ZFHX2: variants seen among roughly 807,000 people sequenced by gnomAD.
ZFHX2 encodes the protein zinc finger homeobox protein 2.
Under a neutral mutation model 164.8 loss-of-function variants are expected in ZFHX2, and 75 were observed. The ratio of observed to expected loss-of-function variants is 0.46; its 90% CI spans 0.38 to 0.55. ZFHX2 has a LOEUF of 0.55. Ranked by LOEUF, ZFHX2 falls within the 20% of genes least tolerant of loss-of-function variation. ZFHX2 has a pLI of 0.00. For missense variants in ZFHX2, 2,933 were observed against 3,308.0 expected (o/e 0.89, Z 2.78); for synonymous variants, 1,217 against 1,351.4 (o/e 0.90, Z 2.18).
intron 1 of ZFHX2, among the ~76,000 whole-genome samples, chr14:23,537,848 C>T (rs1566589498): frequency 2.0e-5 from 3 of 152,148 alleles, no homozygotes; most frequent in Non-Finnish European, 4.4e-5. Context: ...TGGGCCACAC[C>T]GCCCTTCCAC....
upstream of ZFHX2, among the ~76,000 whole-genome samples, chr14:23,553,751 G>A (rs1045934741): frequency 4.6e-5 from 7 of 151,956 alleles, no homozygotes; most frequent in African/African-American, 1.5e-4. Flanking sequence ...AAAATTAGCC[G>A]GGCATGGTGG....
Position 23,533,081 on chromosome 14 carries a change from G to C in ZFHX2, c.2045C>G (p.Pro682Arg). ...APARKFPTSA[P>R]GSLSPDAHLP... The stretch of plus-strand genomic sequence containing the variant: ...GTGGGCATCAGGGGATAGGCTTCCA[G>C]GGGCTAGAGGACAGAGACAGATTAG... Residue 682 changes from proline to arginine, a missense_variant, in exon 3 of 10, where the codon CCT becomes CGT. Pro to Arg is a moderately radical substitution (Grantham distance 103). Transcript: ENST00000419474. This position sits in a 1 kb window ranked among gnomAD's most constrained non-coding sequence, Gnocchi z 4.8. 6.6e-7 allele frequency: 1 copy of C among 1,523,446 alleles called. No homozygotes were observed. Among genetic ancestry groups the C allele is most frequent in the Non-Finnish European group, 8.8e-7 (1 of 1,139,484 alleles). 94.4% of individuals were successfully genotyped at this position (1,523,446 alleles called of 1,614,324 possible).
At chr14:23,527,014 C>A (rs1878810848) in intron 7 of ZFHX2, 41 bp from the exon 8 acceptor site, 4 of 1,468,540 alleles carry the variant, frequency 2.7e-6, no homozygotes, top group African/African-American at 1.4e-5. Flanking sequence ...CACCACCCCC[C>A]ACTGCCCCTA....
In ZFHX2 at chr14:23,535,417, G is replaced by A. The variant is rs1880030320; in HGVS notation, c.-49-43C>T. The A allele has an allele frequency of 1.4e-6, 2 of 1,387,968 alleles. No individual in the cohort carries two copies. The highest frequency in any genetic ancestry group is 1.9e-6 in the Non-Finnish European group (2 of 1,070,024). The allele number at this position is 1,387,968 out of a possible 1,614,324, so 86.0% of individuals were successfully genotyped here. A position where few individuals can be genotyped will look rare whatever the true frequency, so the allele number is the denominator to read the frequency against. Reference sequence around the variant, plus strand: ...GAGAGCAGTGCTGTGAGGCTGCAGGGACCCCAGCTGGGCAGCTGGATCTCT... The same window carrying A: ...GAGAGCAGTGCTGTGAGGCTGCAGGAACCCCAGCTGGGCAGCTGGATCTCT... On this transcript the variant is annotated intron_variant, in intron 1 of 9. Transcript: ENST00000419474. This position sits in a 1 kb window ranked among gnomAD's most constrained non-coding sequence, Gnocchi z 4.5.
At chr14:23,527,992 C>T (rs190606333) in intron 6 of ZFHX2, among the ~76,000 whole-genome samples, 188 bp from the exon 7 acceptor site, 4 of 151,476 alleles carry the variant, frequency 2.6e-5, no homozygotes, top group African/African-American at 2.4e-5. Flanking sequence ...CTGCAACCTC[C>T]GCCTTCCAGG....
chr14:23,525,787 A>C lies in ZFHX2; in HGVS notation c.4155T>G (p.Pro1385=). The C allele has an allele frequency of 6.7e-7, 1 of 1,495,772 alleles. No individual in the cohort carries two copies. Among genetic ancestry groups the C allele is most frequent in the Non-Finnish European group, 8.9e-7 (1 of 1,126,604 alleles). The allele number at this position is 1,495,772 out of a possible 1,614,324, so 92.7% of individuals were successfully genotyped here. A position where few individuals can be genotyped will look rare whatever the true frequency, so the allele number is the denominator to read the frequency against. The change falls in exon 9 of 10, where the codon CCT becomes CCG. Residue 1385 remains proline, a synonymous_variant. Transcript: ENST00000419474. This position sits in a 1 kb window ranked among gnomAD's most constrained non-coding sequence, Gnocchi z 5.9. ...GGGTGGCAGCTGGCAGGGACAGCAC[A>C]GGTGCAGGCCCAGCTAGTGTCAGCT... ...GPKLTLAGPA[P]VLSLPAATPP...
At chr14:23,528,579 G>T in intron 6 of ZFHX2, 1 of 984,302 alleles carries the variant, frequency 1.0e-6, no homozygotes, top group African/African-American at 1.7e-5. Flanking sequence ...AGGCTCCCTT[G>T]TCCCTGCCCA....
In ZFHX2 at chr14:23,525,256, G is replaced by C. The variant is rs1878554187; in HGVS notation, c.4686C>G (p.Thr1562=). The C allele has an allele frequency of 1.3e-6, 2 of 1,536,094 alleles. No individual in the cohort carries two copies. The highest frequency in any genetic ancestry group is 8.7e-7 in the Non-Finnish European group (1 of 1,146,902). ...CTCGACTTCGCTCTTCAGGGGCACG[G>C]GTCCCCCCTGCCTCAGGCTCTGGGA... ...FLVPEPEAGG[T]RAPEERSRAG... is the part of the protein sequence containing the mutation. The change falls in exon 9 of 10, where the codon ACC becomes ACG. Residue 1562 remains threonine (T), a synonymous_variant. Transcript: ENST00000419474. This position sits in a 1 kb window ranked among gnomAD's most constrained non-coding sequence, Gnocchi z 5.9.
At chr14:23,527,540 TCCTC>T (rs1301428037) in intron 7 of ZFHX2, 60 bp downstream of exon 7, 1 of 1,523,558 alleles carries the variant, frequency 6.6e-7, no homozygotes, top group African/African-American at 1.4e-5. Context: ...CCCTGCCTCT[TCCTC>T]CCCTCCTGCA....
chr14:23,547,217 C>T lies in ZFHX2; in HGVS notation c.-50+4126G>A, dbSNP rs539503185. Among the ~76,000 whole-genome samples, 12 of 152,364 alleles carry T rather than the reference C, an allele frequency of 7.9e-5. No individual in the cohort carries two copies. In the South Asian group the frequency reaches 2.5e-3, roughly 32 times the overall value. Reference sequence around the variant, plus strand: ...GTTCTTTACATCAAGATCTGGGCAGCAGTAACTTCTCCCTCCTTTGGCCTT... The same window carrying T: ...GTTCTTTACATCAAGATCTGGGCAGTAGTAACTTCTCCCTCCTTTGGCCTT... On this transcript the variant is annotated intron_variant, in intron 1 of 9. Transcript: ENST00000419474.
chr14:23,539,976 G>A (rs1292475541), intron 1 of ZFHX2, among the ~76,000 whole-genome samples: 4 of 152,142 alleles, frequency 2.6e-5, no homozygotes, highest in African/African-American at 9.7e-5. Context: ...TTCACATCAG[G>A]GCCTTCCAAA....
Position 23,524,379 on chromosome 14 carries a change from G to A in ZFHX2, c.5563C>T (p.Pro1855Ser), listed in dbSNP as rs532432545. The change falls in exon 9 of 10, where the codon CCC becomes TCC. Residue 1855 changes from proline to serine, a missense_variant. Coordinates refer to ENST00000419474, the MANE Select transcript of ZFHX2 (RefSeq NM_033400.3). The surrounding 1 kb of genome is among the most constrained non-coding windows in gnomAD (Gnocchi z 5.6). ...GTGGTGCGCAGGCGCTTGTCCCTGG[G>A]GGGCTCGCCCTCCCCTCCTCCCCCT... is the stretch of plus-strand genomic sequence containing the variant. ...EAGGGGEGEP[P>S]RDKRLRTTIL... 3.4e-4 allele frequency: 517 copies of A among 1,536,208 alleles called. No homozygotes were observed. The highest frequency in any genetic ancestry group is 4.3e-4 in the Non-Finnish European group (489 of 1,146,918).
Position 23,522,590 on chromosome 14 carries a change from G to C in ZFHX2, c.7091C>G (p.Pro2364Arg). The C allele has an allele frequency of 2.0e-6, 3 of 1,528,356 alleles. No individual in the cohort carries two copies. Among genetic ancestry groups the C allele is most frequent in the Non-Finnish European group, 2.6e-6 (3 of 1,142,308 alleles). 94.7% of individuals were successfully genotyped at this position (1,528,356 alleles called of 1,614,324 possible). A position where few individuals can be genotyped will look rare whatever the true frequency, so the allele number is the denominator to read the frequency against. ...GGTAPPAVFGPQLQGAYFQQL... is the reference protein window; with the variant it reads ...GGTAPPAVFGRQLQGAYFQQL... ...TTGGAAGTAGGCCCCCTGTAGCTGG[G>C]GGCCAAAGACAGCTGGCGGTGCTGT... The change falls in exon 10 of 10, where the codon CCC becomes CGC. Residue 2364 changes from proline to arginine, a missense_variant. Physicochemically the swap from Pro to Arg is moderately radical, Grantham distance 103 (BLOSUM62 -2). Transcript: ENST00000419474.
rs1879970382 is a variant in ZFHX2, at chr14:23,534,791, G to T, written c.535C>A (p.Gln179Lys). ...ATTTGGTCAGAAGAGCTAAAGCCTT[G>T]GATTGGGTCAAAGCCATGTTGGATG... is the stretch of plus-strand genomic sequence containing the variant. ...LHIQHGFDPI[Q>K]GFSSSDQILS... The change falls in exon 2 of 10, where the codon CAA becomes AAA. Residue 179 changes from glutamine (Q) to lysine (K), a missense_variant. By Grantham distance (53) the Gln-to-Lys change is moderately conservative. Coordinates refer to ENST00000419474, the MANE Select transcript of ZFHX2 (RefSeq NM_033400.3). The surrounding 1 kb of genome is among the most constrained non-coding windows in gnomAD (Gnocchi z 4.5). 1 of 1,536,082 alleles carries T rather than the reference G, an allele frequency of 6.5e-7. No individual in the cohort carries two copies. Among genetic ancestry groups the T allele is most frequent in the African/African-American group, 1.4e-5 (1 of 73,042 alleles).
Position 23,525,862 on chromosome 14 carries a change from C to T in ZFHX2, c.4080G>A (p.Gln1360=). ...LVPESLLKLQ[Q]QQLLLPFYLH... ...GGTAGAAGGGCAGGAGCAGCTGCTGCTGCTGGAGCTTAAGCAGTGATTCGG... is the reference window on the plus strand; with the variant it reads ...GGTAGAAGGGCAGGAGCAGCTGCTGTTGCTGGAGCTTAAGCAGTGATTCGG... The change falls in exon 9 of 10, where the codon CAG becomes CAA. Residue 1360 remains glutamine (Q), a synonymous_variant. Coordinates refer to ENST00000419474, the MANE Select transcript of ZFHX2 (RefSeq NM_033400.3). This position sits in a 1 kb window ranked among gnomAD's most constrained non-coding sequence, Gnocchi z 5.9. 2 of 1,454,582 alleles carry T rather than the reference C, an allele frequency of 1.4e-6. No individual in the cohort carries two copies. Among genetic ancestry groups the T allele is most frequent in the Non-Finnish European group, 1.8e-6 (2 of 1,109,824 alleles). 90.1% of individuals were successfully genotyped at this position (1,454,582 alleles called of 1,614,324 possible).
At position 23,532,594 on chromosome 14, in the gene ZFHX2, G is replaced by A; in HGVS notation, c.2532C>T (p.Ala844=). 6.9e-7 allele frequency: 1 copy of A among 1,445,820 alleles called. No individual in the cohort carries two copies. The allele number at this position is 1,445,820 out of a possible 1,614,324, so 89.6% of individuals were successfully genotyped here. The change falls in exon 3 of 10, where the codon GCC becomes GCT. Residue 844 remains alanine (A), a synonymous_variant. Transcript: ENST00000419474. ...EKMQLHARGA[A]HEENSQIYKF... ...TATAGATTTGGCTGTTTTCTTCGTGGGCTGCACCCCTGGCATGCAGCTGCA... is the reference window on the plus strand; with the variant it reads ...TATAGATTTGGCTGTTTTCTTCGTGAGCTGCACCCCTGGCATGCAGCTGCA...
intron 4 of ZFHX2, 165 bp from the exon 5 acceptor site, chr14:23,530,359 C>T: frequency 1.4e-6 from 1 of 705,640 alleles, no homozygotes; most frequent in South Asian, 1.5e-5. Context: ...AACACCCACA[C>T]AGAAGATAGA....
At chr14:23,528,796 T>G in intron 6 of ZFHX2, 1 of 985,434 alleles carries the variant, frequency 1.0e-6, no homozygotes, top group Non-Finnish European at 1.2e-6. Context: ...TCAGCCACAC[T>G]TCCAGAGGGG....
intron 1 of ZFHX2, chr14:23,543,795 ACTT>A (rs1484196273): frequency 1.3e-5 from 2 of 152,112 alleles, no homozygotes; most frequent in African/African-American, 4.8e-5. Flanking sequence ...TAGCATATGA[ACTT>A]CATCAGACAA....
Sources: gnomAD v4.1 joint callset for allele counts (sites outside exome capture counted in the v4.1 genomes callset) on GRCh38, gnomAD v4.1.1 for gene constraint, Gnocchi (gnomAD v3.1) non-coding constraint, MANE v1.5 for transcripts, NCBI Gene and HGNC (gene_info 2026-07-23, HGNC 2026-07-21) for gene names.